MAGI2: variants seen among roughly 807,000 people sequenced by gnomAD.
MAGI2 encodes the protein membrane associated guanylate kinase, WW and PDZ domain containing 2.
In MAGI2, 35 loss-of-function variants were observed where a neutral mutation model predicts 133.3. That is an observed-to-expected ratio of 0.26 (90% CI 0.20 to 0.35). The LOEUF is 0.35. Ranked by LOEUF, MAGI2 falls within the 10% of genes least tolerant of loss-of-function variation. MAGI2 has a pLI of 1.00. For missense variants in MAGI2, 1,636 were observed against 1,863.4 expected, an observed-to-expected ratio of 0.88 and a Z score of 2.25; for synonymous variants, 729 against 710.6, an observed-to-expected ratio of 1.03 and a Z score of -0.41.
At chr7:78,443,982 GT>G (rs759148496) in intron 6 of MAGI2, among the ~76,000 whole-genome samples, 3 of 152,120 alleles carry the variant, frequency 2.0e-5, no homozygotes, top group Non-Finnish European at 4.4e-5. Context: ...TGGAGGTGTT[GT>G]TTACTTGAGC....
chr7:79,279,190 C>A (rs765513709), intron 1 of MAGI2, among the ~76,000 whole-genome samples: 13 of 152,082 alleles, frequency 8.5e-5, no homozygotes, highest in Non-Finnish European at 1.9e-4. Context: ...GGCTTCTCTC[C>A]TTACAAAAAA....
chr7:78,635,363 C>T (rs1180836368), intron 2 of MAGI2, among the ~76,000 whole-genome samples: 3 of 152,172 alleles, frequency 2.0e-5, no homozygotes, highest in African/African-American at 7.2e-5. Flanking sequence ...TCTGCTATTT[C>T]CTAGTTTGAG....
At chr7:78,905,560 A>G (rs1049412930) in intron 2 of MAGI2, among the ~76,000 whole-genome samples, 5 of 152,198 alleles carry the variant, frequency 3.3e-5, no homozygotes, top group Admixed American at 1.3e-4. Context: ...CCATGCATTC[A>G]CACATGTTGT....
chr7:79,005,838 T>C (rs1379604619), intron 2 of MAGI2, among the ~76,000 whole-genome samples: 5 of 152,182 alleles, frequency 3.3e-5, no homozygotes, highest in Non-Finnish European at 7.3e-5. Flanking sequence ...AATGCACTTT[T>C]CTCAACTTCC....
chr7:78,434,628 T>C (rs1215742100), intron 6 of MAGI2, among the ~76,000 whole-genome samples: 1 of 152,154 alleles, frequency 6.6e-6, no homozygotes, highest in African/African-American at 2.4e-5. Context: ...TATATTATCC[T>C]TTTACCCTCA....
At chr7:78,920,267 G>A (rs1271809559) in intron 2 of MAGI2, among the ~76,000 whole-genome samples, 1 of 152,060 alleles carries the variant, frequency 6.6e-6, no homozygotes, top group Non-Finnish European at 1.5e-5. Context: ...TAGCCCCTCT[G>A]TACACCAGCT....
At chr7:78,189,933 T>C (rs967309643) in intron 12 of MAGI2, among the ~76,000 whole-genome samples, 2 of 152,204 alleles carry the variant, frequency 1.3e-5, no homozygotes, top group African/African-American at 4.8e-5. Context: ...GTGAGCAACA[T>C]TCATTTTCTT....
chr7:79,283,870 A>G (rs1480815784), intron 1 of MAGI2, among the ~76,000 whole-genome samples: 1 of 152,098 alleles, frequency 6.6e-6, no homozygotes, highest in Non-Finnish European at 1.5e-5. Flanking sequence ...GATCACACAG[A>G]TCAGAAGGTG....
intron 9 of MAGI2, among the ~76,000 whole-genome samples, chr7:78,277,045 A>T (rs2151001090): frequency 6.6e-6 from 1 of 152,342 alleles, no homozygotes; most frequent in Non-Finnish European, 1.5e-5. Context: ...TTACTAATTT[A>T]ACTACTAGTT....
chr7:79,382,461 C>A (rs2129143717), intron 1 of MAGI2, among the ~76,000 whole-genome samples: 1 of 151,642 alleles, frequency 6.6e-6, no homozygotes, highest in Middle Eastern at 3.4e-3. Context: ...CAGTACCCAA[C>A]TTGGGGTTAA....
At chr7:78,713,786 A>G (rs1563395470) in intron 2 of MAGI2, among the ~76,000 whole-genome samples, 2 of 152,288 alleles carry the variant, frequency 1.3e-5, no homozygotes, top group East Asian at 3.9e-4. Context: ...CAATGCATGG[A>G]AAAATGCATG....
chr7:79,127,607 G>A (rs1820543096), intron 1 of MAGI2, among the ~76,000 whole-genome samples: 1 of 152,180 alleles, frequency 6.6e-6, no homozygotes. Context: ...CTTTTGAGAA[G>A]TGTCTATTCA....
chr7:78,407,492 C>A (rs1797490371), intron 6 of MAGI2, among the ~76,000 whole-genome samples: 1 of 151,916 alleles, frequency 6.6e-6, no homozygotes, highest in Non-Finnish European at 1.5e-5. Context: ...CACAATATTA[C>A]AGAATCCCCC....
chr7:78,981,426 T>A (rs1235649577), intron 2 of MAGI2, among the ~76,000 whole-genome samples: 2 of 151,950 alleles, frequency 1.3e-5, no homozygotes, highest in South Asian at 2.1e-4. Context: ...TTCACTGAAA[T>A]TTTCATTTTA....
intron 9 of MAGI2, among the ~76,000 whole-genome samples, chr7:78,328,274 A>G (rs1344109059): frequency 6.6e-6 from 1 of 152,076 alleles, no homozygotes; most frequent in Non-Finnish European, 1.5e-5. Flanking sequence ...AAACACTGAA[A>G]ACAATTCCAT....
Position 78,417,466 on chromosome 7 carries a change from C to A in MAGI2, c.1046-48253G>T, listed in dbSNP as rs28624604. ...ACCAAAAGTTTATCAATCACTCCCTCGTTAGTGCCACATCTACAATCTTTT... is the reference window on the plus strand; with the variant it reads ...ACCAAAAGTTTATCAATCACTCCCTAGTTAGTGCCACATCTACAATCTTTT... On this transcript the variant is annotated intron_variant, in intron 6 of 21. Transcript: ENST00000354212. Among the ~76,000 whole-genome samples the A allele has an allele frequency of 3.2e-3, 487 of 152,174 alleles. 4 individuals carry two copies. Among genetic ancestry groups the A allele is most frequent in the African/African-American group, 0.011 (473 of 41,548 alleles).
intron 1 of MAGI2, among the ~76,000 whole-genome samples, chr7:79,139,556 G>T (rs567806162): frequency 1.3e-5 from 2 of 152,262 alleles, no homozygotes; most frequent in East Asian, 3.9e-4. Context: ...CCAGCTATGT[G>T]CCAGGTATCA....
intron 1 of MAGI2, among the ~76,000 whole-genome samples, chr7:79,318,223 G>A (rs995089702): frequency 6.6e-6 from 1 of 152,006 alleles, no homozygotes; most frequent in Non-Finnish European, 1.5e-5. Context: ...AGTTCATTTG[G>A]ATACATAGTT....
At chr7:78,511,288 T>C (rs1339924206) in intron 4 of MAGI2, among the ~76,000 whole-genome samples, 12 of 151,916 alleles carry the variant, frequency 7.9e-5, no homozygotes. Context: ...TTTTTCATCG[T>C]GGCTGTACTA....
Sources: gnomAD v4.1 joint callset for allele counts (sites outside exome capture counted in the v4.1 genomes callset) on GRCh38, gnomAD v4.1.1 for gene constraint, MANE v1.5 for transcripts, NCBI Gene and HGNC (gene_info 2026-07-23, HGNC 2026-07-21) for gene names.